Variants in SEL1L3 observed in about 807,000 individuals in gnomAD.
The protein encoded by SEL1L3 is protein sel-1 homolog 3.
SEL1L3 carries 76 observed loss-of-function variants against 142.8 expected under a neutral mutation model. The ratio of observed to expected loss-of-function variants is 0.53; its 90% CI spans 0.44 to 0.64. The LOEUF (loss-of-function observed/expected upper bound fraction) is 0.64. Ranked by LOEUF, SEL1L3 falls within the 30% of genes least tolerant of loss-of-function variation. The pLI is 0.00. For synonymous variants in SEL1L3, 504 were observed against 519.6 expected (o/e 0.97, Z 0.41); for missense variants, 1,262 against 1,381.7 (o/e 0.91, Z 1.37).
intron 20 of SEL1L3, among the ~76,000 whole-genome samples, chr4:25,765,113 G>A (rs1718624269): frequency 6.6e-6 from 1 of 152,138 alleles, no homozygotes; most frequent in African/African-American, 2.4e-5. Flanking sequence ...TCCTGCTTCA[G>A]TCTCCCAAGT....
chr4:25,744,348 CTTTTT>C (rs35155388), downstream of SEL1L3, among the ~76,000 whole-genome samples: 193 of 101,436 alleles, frequency 1.9e-3, 3 homozygotes, highest in African/African-American at 6.2e-3. Flanking sequence ...ATGTGTGAGT[CTTTTT>C]TTTTTTTTTT....
At chr4:25,860,322 T>C (rs933105050) in intron 1 of SEL1L3, among the ~76,000 whole-genome samples, 2 of 152,224 alleles carry the variant, frequency 1.3e-5, no homozygotes, top group Admixed American at 6.5e-5. Context: ...GCTCCATCTC[T>C]ACCCTGCACC....
chr4:25,851,772 C>T (rs145711225), intron 1 of SEL1L3, among the ~76,000 whole-genome samples: 1,680 of 151,704 alleles, frequency 0.011, 36 homozygotes, highest in African/African-American at 0.038. Context: ...GTCTGTAGTC[C>T]CAGCTACTGG....
At chr4:25,719,361 T>A in the SEL1L3 span, 1 of 152,062 alleles carries the variant, frequency 6.6e-6, no homozygotes, top group Non-Finnish European at 1.5e-5. Flanking sequence ...ATACTTAGGG[T>A]AGGAACTAGC....
intron 2 of SEL1L3, among the ~76,000 whole-genome samples, chr4:25,839,802 C>T (rs561348450): frequency 5.2e-4 from 74 of 142,478 alleles, no homozygotes; most frequent in Admixed American, 2.8e-3. Flanking sequence ...ATTACTTTTT[C>T]GTCTACGAAA....
the SEL1L3 span, among the ~76,000 whole-genome samples, chr4:25,735,443 T>C: frequency 1.2e-4 from 19 of 152,054 alleles, no homozygotes; most frequent in East Asian, 3.7e-3. Flanking sequence ...GCTTTTAAAA[T>C]CAATGTTACT....
intron 2 of SEL1L3, among the ~76,000 whole-genome samples, chr4:25,837,136 G>A (rs1045731186): frequency 1.3e-5 from 2 of 151,742 alleles, no homozygotes; most frequent in South Asian, 2.1e-4. Flanking sequence ...TATGACGGGG[G>A]TGGTGAGAGG....
chr4:25,846,530 G>A (rs951978312), intron 2 of SEL1L3, among the ~76,000 whole-genome samples: 3 of 152,122 alleles, frequency 2.0e-5, no homozygotes, highest in Non-Finnish European at 2.9e-5. Context: ...CCAGCCAGAG[G>A]TTACCATTCT....
chr4:25,835,026 T>G (rs552484224), intron 3 of SEL1L3, among the ~76,000 whole-genome samples, 171 bp downstream of exon 3: 1 of 149,264 alleles, frequency 6.7e-6, no homozygotes, highest in South Asian at 2.1e-4. Flanking sequence ...CAAGACTCAT[T>G]TGAGGTTTTC....
chr4:25,838,018 A>T (rs974734210), intron 2 of SEL1L3, among the ~76,000 whole-genome samples: 1 of 152,178 alleles, frequency 6.6e-6, no homozygotes, highest in Non-Finnish European at 1.5e-5. Context: ...TCACTATTCC[A>T]TCCCCAGAAT....
chr4:25,744,819 A>G (rs965045116), downstream of SEL1L3, among the ~76,000 whole-genome samples: 1 of 152,242 alleles, frequency 6.6e-6, no homozygotes, highest in Non-Finnish European at 1.5e-5. Flanking sequence ...AGAGACACCA[A>G]CCATGTGAAG....
At chr4:25,803,859 G>A (rs1713362973) in intron 10 of SEL1L3, among the ~76,000 whole-genome samples, 2 of 151,658 alleles carry the variant, frequency 1.3e-5, no homozygotes, top group South Asian at 4.2e-4. Context: ...CTGATTCTCA[G>A]GCCTTCAGGC....
chr4:25,739,087 T>TAC, the SEL1L3 span, among the ~76,000 whole-genome samples: 3,262 of 152,090 alleles, frequency 0.021, 57 homozygotes, highest in Non-Finnish European at 0.034. Context: ...GGCACACCTG[T>TAC]AATCCCATCT....
rs1713245725 is a variant in SEL1L3 at position 25,802,432 on chromosome 4, C to T, written c.1807G>A (p.Gly603Arg). Residue 603 changes from glycine to arginine, a missense_variant, in exon 11 of 24, where the codon GGG (glycine) becomes AGG (arginine). Transcript: ENST00000399878. ...GMLYSLVGGQ[G>R]SERLSSMNLG... Reference sequence around the variant, plus strand: ...TTCATTGAAGACAGCCTCTCACTCCCCTGGCCTCCAACCAAACTATACAAC... The same window carrying T: ...TTCATTGAAGACAGCCTCTCACTCCTCTGGCCTCCAACCAAACTATACAAC... 1.9e-6 allele frequency: 3 copies of T among 1,613,790 alleles called. No individual in the cohort carries two copies. The highest frequency in any genetic ancestry group is 2.2e-5 in the East Asian group (1 of 44,886).
intron 2 of SEL1L3, among the ~76,000 whole-genome samples, chr4:25,843,010 G>A (rs935051336): frequency 6.6e-6 from 1 of 152,192 alleles, no homozygotes; most frequent in Admixed American, 6.5e-5. Flanking sequence ...TGATCTGGGA[G>A]AAGAGCATCT....
intron 23 of SEL1L3, chr4:25,756,772 T>C (rs1186152292): frequency 1.7e-6 from 2 of 1,173,198 alleles, no homozygotes; most frequent in Non-Finnish European, 2.2e-6. Context: ...TCTGAGTCCG[T>C]GTGGCCGAGG....
chr4:25,848,703 A>G (rs1269881801), intron 1 of SEL1L3, among the ~76,000 whole-genome samples: 2 of 152,264 alleles, frequency 1.3e-5, no homozygotes, highest in Non-Finnish European at 2.9e-5. Context: ...CACACAACGC[A>G]TACACACAGA....
At chr4:25,734,063 G>A in the SEL1L3 span, among the ~76,000 whole-genome samples, 6 of 151,928 alleles carry the variant, frequency 3.9e-5, no homozygotes, top group East Asian at 7.8e-4. Flanking sequence ...TCTGGCTGTC[G>A]CCCAGGTTGG....
intron 17 of SEL1L3, among the ~76,000 whole-genome samples, chr4:25,769,565 C>A (rs761637130): frequency 8.5e-5 from 13 of 152,194 alleles, no homozygotes; most frequent in Non-Finnish European, 1.9e-4. Flanking sequence ...ATCCTCAGAG[C>A]AGACCCAAGG....
Sources: gnomAD v4.1 joint callset for allele counts (sites outside exome capture counted in the v4.1 genomes callset) on GRCh38, gnomAD v4.1.1 for gene constraint, MANE v1.5 for transcripts, NCBI Gene and HGNC (gene_info 2026-07-23, HGNC 2026-07-21) for gene names.